The following EEPD1 variants were observed in gnomAD, a reference collection of about 807,000 sequenced individuals.
EEPD1 encodes endonuclease/exonuclease/phosphatase family domain containing 1, also known as endonuclease/exonuclease/phosphatase family domain-containing protein 1.
Under a neutral mutation model 46.3 loss-of-function variants are expected in EEPD1, and 17 were observed. The ratio of observed to expected loss-of-function variants is 0.37; its 90% CI spans 0.25 to 0.55. EEPD1 has a LOEUF of 0.55. EEPD1 is among the 20% of genes least tolerant of loss of function. The pLI is 0.83. For synonymous variants in EEPD1, 313 were observed against 315.6 expected, an observed-to-expected ratio of 0.99 and a Z score of 0.09; for missense variants, 673 against 745.6, an observed-to-expected ratio of 0.90 and a Z score of 1.13.
chr7:36,278,366 G>T (rs758046132), intron 3 of EEPD1, among the ~76,000 whole-genome samples: 1 of 152,168 alleles, frequency 6.6e-6, no homozygotes, highest in Non-Finnish European at 1.5e-5. Context: ...GGTTAGGAGA[G>T]ATTAGATTTC....
At chr7:36,282,617 C>T (rs1213331420) in intron 4 of EEPD1, among the ~76,000 whole-genome samples, 1 of 152,220 alleles carries the variant, frequency 6.6e-6, no homozygotes, top group South Asian at 2.1e-4. Flanking sequence ...AAAATGGGAG[C>T]GATAGCCCTT....
At chr7:36,224,428 G>A (rs541638509) in intron 2 of EEPD1, among the ~76,000 whole-genome samples, 1 of 152,298 alleles carries the variant, frequency 6.6e-6, no homozygotes, top group South Asian at 2.1e-4. Context: ...GTTTAAGGAT[G>A]CATAAAGACT....
At chr7:36,189,750 C>T (rs907553139) in intron 2 of EEPD1, among the ~76,000 whole-genome samples, 2 of 152,162 alleles carry the variant, frequency 1.3e-5, no homozygotes, top group Non-Finnish European at 2.9e-5. Context: ...AGAGGAGAGG[C>T]CTGCAAATGG....
At chr7:36,271,650 A>C (rs1787103286) in intron 3 of EEPD1, among the ~76,000 whole-genome samples, 1 of 146,788 alleles carries the variant, frequency 6.8e-6, no homozygotes, top group Non-Finnish European at 1.5e-5. Context: ...TTTTGTTGCC[A>C]TTGTTTTTGG....
At chr7:36,286,634 T>C (rs935755768) in intron 5 of EEPD1, among the ~76,000 whole-genome samples, 2 of 152,142 alleles carry the variant, frequency 1.3e-5, no homozygotes, top group African/African-American at 4.8e-5. Flanking sequence ...AGCTTTTGGT[T>C]TGGACACGTT....
intron 3 of EEPD1, among the ~76,000 whole-genome samples, chr7:36,252,829 C>CTTTTTTTTTTTTTT (rs71553053): frequency 3.6e-5 from 2 of 54,850 alleles, no homozygotes; most frequent in African/African-American, 1.5e-4. Flanking sequence ...GTGTTCTCTC[C>CTTTTTTTTTTTTTT]TTTTTTTTTT....
At chr7:36,238,202 C>T (rs1365346721) in intron 2 of EEPD1, among the ~76,000 whole-genome samples, 2 of 152,132 alleles carry the variant, frequency 1.3e-5, no homozygotes, top group African/African-American at 4.8e-5. Context: ...GTGAGAGTGA[C>T]CAGAGGTCAC....
intron 2 of EEPD1, among the ~76,000 whole-genome samples, chr7:36,179,294 GT>G (rs1033554169): frequency 2.0e-5 from 3 of 152,108 alleles, no homozygotes; most frequent in African/African-American, 7.2e-5. Context: ...AAGATTTCTA[GT>G]TTAGCTGCAT....
chr7:36,176,422 G>T (rs547430264), intron 2 of EEPD1, among the ~76,000 whole-genome samples: 1 of 152,210 alleles, frequency 6.6e-6, no homozygotes, highest in Non-Finnish European at 1.5e-5. Context: ...GGAAAATCAG[G>T]TCTCATGGGA....
intron 1 of EEPD1, 31 bp downstream of exon 1, chr7:36,153,705 TGGG>T (rs1198824968): frequency 6.6e-6 from 1 of 152,108 alleles, no homozygotes; most frequent in East Asian, 1.9e-4. Context: ...GCAGGTCGGG[TGGG>T]GGGTCGATAA....
intron 3 of EEPD1, among the ~76,000 whole-genome samples, chr7:36,239,925 T>C (rs920546732): frequency 1.3e-4 from 20 of 152,374 alleles, no homozygotes; most frequent in African/African-American, 4.8e-4. Context: ...GATATTCATT[T>C]GTTTTTGGTT....
chr7:36,155,545 C>T (rs1175556835), intron 2 of EEPD1, among the ~76,000 whole-genome samples: 3 of 152,068 alleles, frequency 2.0e-5, no homozygotes, highest in African/African-American at 7.2e-5. Flanking sequence ...GGTGCAGTTT[C>T]GCATGTGAGA....
At position 36,153,914 on chromosome 7, in the gene EEPD1, G is replaced by A. The variant is rs538587427; in HGVS notation, c.-192-219G>A. ...GATGGGGATAGGTCTCTTCCCAAGA[G>A]AAGCGGCTCGTAGCCTTTTTGGACT... is the stretch of plus-strand genomic sequence containing the variant. On this transcript the variant is annotated intron_variant, in intron 1 of 7. Transcript: ENST00000242108. 3.3e-5 allele frequency among the ~76,000 whole-genome samples: 5 copies of A among 152,302 alleles called. 1 individual carries two copies. In the South Asian group the frequency reaches 1.0e-3, roughly 32 times the overall value.
intron 2 of EEPD1, among the ~76,000 whole-genome samples, chr7:36,219,491 C>A (rs1017552113): frequency 2.1e-5 from 3 of 140,858 alleles, no homozygotes; most frequent in African/African-American, 8.0e-5. Context: ...CTTAGCAAGA[C>A]CCTATTTCAA....
At chr7:36,191,642 GCT>G (rs1451837086) in intron 2 of EEPD1, among the ~76,000 whole-genome samples, 1 of 152,182 alleles carries the variant, frequency 6.6e-6, no homozygotes, top group African/African-American at 2.4e-5. Context: ...AGAGAAGAAG[GCT>G]CAGACTGGGA....
At chr7:36,221,308 G>C (rs1286334328) in intron 2 of EEPD1, among the ~76,000 whole-genome samples, 1 of 152,118 alleles carries the variant, frequency 6.6e-6, no homozygotes, top group Non-Finnish European at 1.5e-5. Flanking sequence ...AAGTATTTAA[G>C]AGCCAGCTCT....
At chr7:36,260,106 TGAA>T (rs1426282496) in intron 3 of EEPD1, among the ~76,000 whole-genome samples, 1 of 152,170 alleles carries the variant, frequency 6.6e-6, no homozygotes, top group Non-Finnish European at 1.5e-5. Context: ...GTTAAGAAAA[TGAA>T]GGAGAAGAAA....
chr7:36,291,211 T>C (rs1679941432), intron 6 of EEPD1, among the ~76,000 whole-genome samples: 1 of 152,250 alleles, frequency 6.6e-6, no homozygotes, highest in South Asian at 2.1e-4. Flanking sequence ...CATCTTTCTC[T>C]TTGTTCCTTT....
intron 3 of EEPD1, among the ~76,000 whole-genome samples, chr7:36,252,786 C>T (rs1036308718): frequency 1.7e-4 from 24 of 140,608 alleles, no homozygotes; most frequent in African/African-American, 6.4e-4. Context: ...AGAGCTCAGA[C>T]AGAAAGTGGA....
Sources: allele counts gnomAD v4.1 joint callset (sites outside exome capture counted in the v4.1 genomes callset), GRCh38; gene constraint gnomAD v4.1.1; transcripts MANE v1.5; gene names NCBI Gene and HGNC (gene_info 2026-07-23, HGNC 2026-07-21).